Variants in AHCYL1 observed in about 807,000 individuals in gnomAD.
AHCYL1 encodes the protein adenosylhomocysteinase like 1.
Under a neutral mutation model 79.3 loss-of-function variants are expected in AHCYL1, and 20 were observed. The ratio of observed to expected loss-of-function variants is 0.25; its 90% CI spans 0.18 to 0.37. The LOEUF (loss-of-function observed/expected upper bound fraction) is 0.37. Among genes scored for constraint, AHCYL1 ranks in the 10% least tolerant of loss-of-function variants. AHCYL1 has a pLI of 1.00. For synonymous variants in AHCYL1, 223 were observed against 242.2 expected (o/e 0.92, Z 0.74); for missense variants, 330 against 673.6 (o/e 0.49, Z 5.65).
At chr1:110,012,216 C>T (rs540069086) in intron 3 of AHCYL1, 146 bp from the exon 4 acceptor site, 33 of 600,598 alleles carry the variant, frequency 5.5e-5, no homozygotes, top group Admixed American at 3.5e-4. Context: ...ATTACTGTGC[C>T]GTTGAAGCTG....
At chr1:110,014,068 T>C (rs1025509778) in intron 5 of AHCYL1, among the ~76,000 whole-genome samples, 4 of 152,090 alleles carry the variant, frequency 2.6e-5, no homozygotes, top group Admixed American at 6.5e-5. Context: ...CCCAAAGTGC[T>C]GGGATTACAG....
chr1:110,014,080 C>T (rs970813725), intron 5 of AHCYL1, among the ~76,000 whole-genome samples: 5 of 151,808 alleles, frequency 3.3e-5, no homozygotes, highest in African/African-American at 1.2e-4. Flanking sequence ...GGATTACAGG[C>T]GTGAGACACC....
chr1:110,010,666 C>A (rs1292254956), intron 2 of AHCYL1, among the ~76,000 whole-genome samples: 1 of 152,160 alleles, frequency 6.6e-6, no homozygotes, highest in Non-Finnish European at 1.5e-5. Context: ...AAGTGTGATC[C>A]TCTGACTAGC....
At chr1:110,019,720 A>C (rs963878382) in intron 15 of AHCYL1, 94 bp downstream of exon 15, 11 of 1,240,426 alleles carry the variant, frequency 8.9e-6, no homozygotes, top group Non-Finnish European at 1.1e-5. Flanking sequence ...CAGAGTTCCA[A>C]TTCCTGTTCC....
intron 1 of AHCYL1, among the ~76,000 whole-genome samples, chr1:109,998,495 T>G (rs954753306): frequency 4.6e-5 from 7 of 152,124 alleles, no homozygotes; most frequent in Admixed American, 3.3e-4. Context: ...ATTATTTTTT[T>G]GAGACGGAGT....
At chr1:110,013,035 A>T (rs1170541608) in intron 5 of AHCYL1, 36 bp downstream of exon 5, 2 of 1,523,806 alleles carry the variant, frequency 1.3e-6, no homozygotes, top group Admixed American at 3.6e-5. Context: ...TTTGCCCCAA[A>T]ATAGTTATCC....
intron 1 of AHCYL1, among the ~76,000 whole-genome samples, 181 bp from the exon 2 acceptor site, chr1:110,008,853 C>T (rs894770530): frequency 3.3e-5 from 5 of 152,088 alleles, no homozygotes; most frequent in African/African-American, 4.8e-5. Context: ...CAGTGATTGA[C>T]GTGTTGGGAG....
chr1:110,005,262 A>C (rs1361635568), intron 1 of AHCYL1, among the ~76,000 whole-genome samples: 1 of 152,226 alleles, frequency 6.6e-6, no homozygotes, highest in Non-Finnish European at 1.5e-5. Flanking sequence ...CTTGACACTT[A>C]GGAAGAAACC....
At chr1:109,989,100 G>A (rs1649619486) in intron 1 of AHCYL1, among the ~76,000 whole-genome samples, 1 of 152,200 alleles carries the variant, frequency 6.6e-6, no homozygotes. Context: ...TTTAAAACAG[G>A]AGTTGGGGTG....
intron 5 of AHCYL1, among the ~76,000 whole-genome samples, chr1:110,014,184 TCA>T (rs1651257438): frequency 6.6e-6 from 1 of 152,178 alleles, no homozygotes. Flanking sequence ...TGATAAGTGT[TCA>T]CTGCAAAAAA....
At chr1:110,013,803 T>G (rs1336811435) in intron 5 of AHCYL1, among the ~76,000 whole-genome samples, 1 of 69,882 alleles carries the variant, frequency 1.4e-5, no homozygotes, top group East Asian at 5.3e-4. Context: ...TCTTTCTTTC[T>G]TTTTTTTTTT....
At chr1:109,985,718 C>A (rs1340387592) in intron 1 of AHCYL1, among the ~76,000 whole-genome samples, 3 of 152,184 alleles carry the variant, frequency 2.0e-5, no homozygotes, top group Admixed American at 1.3e-4. Context: ...TTTTCACTTT[C>A]TACAGCATTC....
chr1:110,001,190 ATT>A (rs1158727985), intron 1 of AHCYL1, among the ~76,000 whole-genome samples: 16 of 147,074 alleles, frequency 1.1e-4, no homozygotes, highest in African/African-American at 3.0e-4. Flanking sequence ...TACAAAATTA[ATT>A]TTTTTTTTTT....
At chr1:109,999,186 G>C (rs1286126334) in intron 1 of AHCYL1, among the ~76,000 whole-genome samples, 4 of 152,004 alleles carry the variant, frequency 2.6e-5, no homozygotes, top group Non-Finnish European at 4.4e-5. Flanking sequence ...AAGGTGTACA[G>C]TGTGATATTT....
chr1:110,021,657 A>T lies in AHCYL1; in HGVS notation c.1587-17A>T. ...TGGAAGACATAAGTGTTAACCAATC[A>T]CTCTCTCTCTTTACAGATACTAATG... On this transcript the variant is annotated splice_polypyrimidine_tract_variant and intron_variant, in intron 16 of 16. Transcript: ENST00000369799. 6.2e-7 allele frequency: 1 copy of T among 1,610,896 alleles called. No homozygotes were observed. The highest frequency in any genetic ancestry group is 8.5e-7 in the Non-Finnish European group (1 of 1,178,078).
At chr1:110,009,748 C>G (rs185932607) in intron 2 of AHCYL1, among the ~76,000 whole-genome samples, 5 of 152,234 alleles carry the variant, frequency 3.3e-5, no homozygotes, top group Admixed American at 2.0e-4. Flanking sequence ...AAGTCTTTTT[C>G]TGTTTTGTAT....
Position 110,012,414 on chromosome 1 carries a change from G to A in AHCYL1, c.429G>A (p.Leu143=). Residue 143 remains leucine, a synonymous_variant, in exon 4 of 17, where the codon TTG becomes TTA. Coordinates refer to ENST00000369799, the MANE Select transcript of AHCYL1 (RefSeq NM_006621.7). ...LRKRAQGEKP[L]AGAKIVGCTH... is the part of the protein sequence containing the mutation. ...AACGTGCTCAGGGGGAGAAGCCCTT[G>A]GCTGGTGCTAAAATAGTGGGCTGTA... is the stretch of plus-strand genomic sequence containing the variant. The A allele has an allele frequency of 6.2e-7, 1 of 1,613,902 alleles. No homozygotes were observed. The highest frequency in any genetic ancestry group is 8.5e-7 in the Non-Finnish European group (1 of 1,179,972).
chr1:110,022,913 G>A lies in AHCYL1; in HGVS notation c.*1233G>A, dbSNP rs965993681. 1 of 152,594 alleles carries A rather than the reference G, an allele frequency of 6.6e-6. No individual in the cohort carries two copies. Among genetic ancestry groups the A allele is most frequent in the African/African-American group, 2.4e-5 (1 of 41,454 alleles). The allele number at this position is 152,594 out of a possible 1,614,324, so 9.5% of individuals were successfully genotyped here. ...TGAACTGAGATCATAAAGGGCAACTGATGTGTGAAGAAAGTAGTCAGTACA... is the reference window on the plus strand; with the variant it reads ...TGAACTGAGATCATAAAGGGCAACTAATGTGTGAAGAAAGTAGTCAGTACA... On this transcript the variant is annotated 3_prime_UTR_variant, in exon 17 of 17. Coordinates refer to ENST00000369799, the MANE Select transcript of AHCYL1 (RefSeq NM_006621.7).
chr1:109,987,889 A>AT (rs947522456), intron 1 of AHCYL1, among the ~76,000 whole-genome samples: 2 of 151,842 alleles, frequency 1.3e-5, no homozygotes, highest in Non-Finnish European at 1.5e-5. Flanking sequence ...ATAAGTGCCT[A>AT]TTTTTTTTGG....
Sources: gnomAD v4.1 joint callset for allele counts (sites outside exome capture counted in the v4.1 genomes callset) on GRCh38, gnomAD v4.1.1 for gene constraint, MANE v1.5 for transcripts, NCBI Gene and HGNC (gene_info 2026-07-23, HGNC 2026-07-21) for gene names.